The following FBLN2 variants were observed in gnomAD, a reference collection of about 807,000 sequenced individuals.
FBLN2 encodes fibulin 2.
FBLN2 carries 81 observed loss-of-function variants against 123.7 expected under a neutral mutation model. The observed-to-expected ratio is 0.65, with a 90% confidence interval of 0.55 to 0.79. The LOEUF (loss-of-function observed/expected upper bound fraction) is 0.79. Among genes scored for constraint, FBLN2 ranks in the 30% least tolerant of loss-of-function variants. The probability of loss-of-function intolerance (pLI) is 0.00; values close to 1 mark genes in which losing one functional copy is unlikely to be tolerated. For synonymous variants in FBLN2, 699 were observed against 701.4 expected (o/e 1.00, Z 0.05); for missense variants, 1,603 against 1,681.3 (o/e 0.95, Z 0.81).
intron 2 of FBLN2, among the ~76,000 whole-genome samples, chr3:13,591,600 C>T (rs994342219): frequency 7.9e-5 from 12 of 152,124 alleles, no homozygotes; most frequent in Non-Finnish European, 1.6e-4. Context: ...TGTTTTCTGG[C>T]CTCTTTTTTC....
At chr3:13,610,690 A>G (rs1056688165) in intron 4 of FBLN2, among the ~76,000 whole-genome samples, 2 of 152,148 alleles carry the variant, frequency 1.3e-5, no homozygotes, top group African/African-American at 2.4e-5. Context: ...CAGTTTGGCT[A>G]CAAGTAATGG....
At chr3:13,553,240 C>T (rs534436118) in intron 1 of FBLN2, among the ~76,000 whole-genome samples, 23 of 152,278 alleles carry the variant, frequency 1.5e-4, no homozygotes, top group African/African-American at 4.8e-4. Context: ...AGCCTCAGGG[C>T]GTTCCGAGCA....
chr3:13,558,784 T>C (rs200694281), intron 1 of FBLN2, among the ~76,000 whole-genome samples: 8 of 135,398 alleles, frequency 5.9e-5, no homozygotes, highest in East Asian at 4.4e-4. Context: ...CATCCACCCA[T>C]CCACCCACCC....
chr3:13,633,954 A>ACACACACAC (rs1706354642), intron 16 of FBLN2, among the ~76,000 whole-genome samples: 1 of 112,830 alleles, frequency 8.9e-6, no homozygotes, highest in South Asian at 3.1e-4. Context: ...ACACACTGCA[A>ACACACACAC]ACACACACAC....
chr3:13,608,390 T>TA (rs1242565891), intron 3 of FBLN2, among the ~76,000 whole-genome samples: 1 of 152,248 alleles, frequency 6.6e-6, no homozygotes, highest in Non-Finnish European at 1.5e-5. Context: ...ACCAGCCACA[T>TA]AAATTGGTAG....
intron 5 of FBLN2, among the ~76,000 whole-genome samples, chr3:13,614,405 A>G (rs143648890): frequency 5.2e-4 from 79 of 152,094 alleles, no homozygotes; most frequent in African/African-American, 1.8e-3. Flanking sequence ...CTCTTTGTCT[A>G]TACATCTTCC....
intron 5 of FBLN2, 22 bp from the exon 6 acceptor site, chr3:13,618,054 T>C (rs1465740088): frequency 1.2e-6 from 2 of 1,610,834 alleles, no homozygotes; most frequent in South Asian, 1.1e-5. Context: ...GGCTCTGTCT[T>C]GAGCTCTAAC....
At chr3:13,552,723 T>C (rs1443796593) in intron 1 of FBLN2, among the ~76,000 whole-genome samples, 1 of 151,760 alleles carries the variant, frequency 6.6e-6, no homozygotes, top group Non-Finnish European at 1.5e-5. Context: ...CTGGGTGTTG[T>C]GTGGGGGCGG....
intron 6 of FBLN2, among the ~76,000 whole-genome samples, chr3:13,618,578 G>T (rs2124893655): frequency 6.6e-6 from 1 of 152,362 alleles, no homozygotes; most frequent in Non-Finnish European, 1.5e-5. Flanking sequence ...TATCTCCCCA[G>T]TGCTGGGCCC....
At chr3:13,617,081 G>A (rs1705633843) in intron 5 of FBLN2, among the ~76,000 whole-genome samples, 1 of 152,056 alleles carries the variant, frequency 6.6e-6, no homozygotes, top group South Asian at 2.1e-4. Flanking sequence ...ACTTGGACCT[G>A]GCTCTGATGG....
chr3:13,586,061 C>T (rs542227637), intron 2 of FBLN2, among the ~76,000 whole-genome samples: 56 of 152,298 alleles, frequency 3.7e-4, no homozygotes, highest in African/African-American at 1.3e-3. Context: ...CAGCTCCCTG[C>T]ATGTTACTGC....
chr3:13,582,775 C>T (rs979628412), intron 2 of FBLN2, among the ~76,000 whole-genome samples: 6 of 152,250 alleles, frequency 3.9e-5, no homozygotes, highest in African/African-American at 9.6e-5. Context: ...AGTGCTGCTC[C>T]GGGCCACGGG....
intron 1 of FBLN2, among the ~76,000 whole-genome samples, chr3:13,555,100 G>A (rs1054890392): frequency 1.6e-4 from 24 of 150,168 alleles, no homozygotes; most frequent in African/African-American, 5.6e-4. Context: ...CTACAGGTGC[G>A]TGCCACCACA....
At chr3:13,585,407 A>C (rs1380543039) in intron 2 of FBLN2, among the ~76,000 whole-genome samples, 3 of 152,294 alleles carry the variant, frequency 2.0e-5, no homozygotes, top group Non-Finnish European at 2.9e-5. Flanking sequence ...GAATCAGATC[A>C]ATCAGTGCCT....
intron 2 of FBLN2, 108 bp downstream of exon 2, chr3:13,571,769 G>A (rs1380662216): frequency 7.4e-7 from 1 of 1,358,048 alleles, no homozygotes; most frequent in Non-Finnish European, 9.8e-7. Context: ...CTGGACTGTG[G>A]GGCCAGGCCT....
At chr3:13,581,222 T>TGGGGGGGG (rs138166929) in intron 2 of FBLN2, among the ~76,000 whole-genome samples, 71 of 42,108 alleles carry the variant, frequency 1.7e-3, no homozygotes, top group East Asian at 2.9e-3. Flanking sequence ...AGGTGGGGGG[T>TGGGGGGGG]GGGGGGGAGG....
intron 10 of FBLN2, 43 bp from the exon 11 acceptor site, chr3:13,627,789 G>A: frequency 1.3e-6 from 2 of 1,584,730 alleles, no homozygotes; most frequent in Non-Finnish European, 8.6e-7. Context: ...TGTAAAGGCA[G>A]GACCTGCCCC....
Position 13,570,544 on chromosome 3 carries a change from C to A in FBLN2, c.189C>A (p.Cys63Ter), listed in dbSNP as rs199628513. 2 of 1,591,076 alleles carry A rather than the reference C, an allele frequency of 1.3e-6. No homozygotes were observed. The highest frequency in any genetic ancestry group is 1.7e-6 in the Non-Finnish European group (2 of 1,170,536). Residue 63 changes from cysteine (C) to a stop codon, truncating the protein, a stop_gained, in exon 2 of 18, where the codon TGC (cysteine) becomes TGA (stop). Coordinates refer to ENST00000404922, the MANE Select transcript of FBLN2 (RefSeq NM_001004019.2). LOFTEE classifies it high-confidence loss of function. ...GTGCCACGTGTGTGCAGCAGGGCTG[C>A]GCCTGCGAGGGCTACCAGTACTATG... ...ACCATCVQQG[C>*]ACEGYQYYDC...
intron 11 of FBLN2, among the ~76,000 whole-genome samples, chr3:13,628,523 C>G (rs1038061693): frequency 6.6e-6 from 1 of 152,224 alleles, no homozygotes; most frequent in African/African-American, 2.4e-5. Flanking sequence ...TCTGCGCCCC[C>G]CATCAACTCC....
Sources: allele counts gnomAD v4.1 joint callset (sites outside exome capture counted in the v4.1 genomes callset), GRCh38; gene constraint gnomAD v4.1.1; transcripts MANE v1.5; gene names NCBI Gene and HGNC (gene_info 2026-07-23, HGNC 2026-07-21).